The following TMC1 variants were observed in gnomAD, a reference collection of about 807,000 sequenced individuals.
TMC1 encodes the protein transmembrane channel like 1, also known as transmembrane channel-like protein 1.
A neutral mutation model predicts 105.8 loss-of-function variants in TMC1; 84 were observed. That is an observed-to-expected ratio of 0.79 (90% CI 0.67 to 0.95). The LOEUF is 0.95. Ranked by LOEUF, TMC1 falls within the 40% of genes least tolerant of loss-of-function variation. TMC1 has a pLI of 0.00. For synonymous variants in TMC1, 315 were observed against 311.5 expected (o/e 1.01, Z -0.12); for missense variants, 817 against 914.1 (o/e 0.89, Z 1.37).
At chr9:72,698,484 G>C (rs1442435922) in intron 7 of TMC1, among the ~76,000 whole-genome samples, 5 of 152,108 alleles carry the variant, frequency 3.3e-5, no homozygotes, top group Non-Finnish European at 7.4e-5. Context: ...TTATTTTTCT[G>C]AGTAATACTG....
chr9:72,827,894 C>T (rs944036020), intron 21 of TMC1, among the ~76,000 whole-genome samples: 4 of 152,166 alleles, frequency 2.6e-5, no homozygotes, highest in Non-Finnish European at 5.9e-5. Flanking sequence ...AGAAAACTCC[C>T]AGTGGTTTGC....
intron 10 of TMC1, among the ~76,000 whole-genome samples, chr9:72,746,192 G>T (rs951620565): frequency 6.6e-6 from 1 of 152,058 alleles, no homozygotes; most frequent in Admixed American, 6.6e-5. Flanking sequence ...CTTACAAAAG[G>T]TTCAGAAGTA....
chr9:72,802,870 A>C (rs1208974289), intron 17 of TMC1, among the ~76,000 whole-genome samples: 3 of 152,228 alleles, frequency 2.0e-5, no homozygotes, highest in African/African-American at 7.2e-5. Context: ...TCACAGAATT[A>C]GAAAAAAAAC....
intron 3 of TMC1, among the ~76,000 whole-genome samples, chr9:72,617,138 A>G (rs1825147589): frequency 1.3e-5 from 2 of 152,032 alleles, no homozygotes; most frequent in Non-Finnish European, 2.9e-5. Flanking sequence ...GCAGTCCTGT[A>G]TGTGGTCTCT....
chr9:72,608,212 C>T (rs1824957640), intron 2 of TMC1, among the ~76,000 whole-genome samples: 1 of 152,136 alleles, frequency 6.6e-6, no homozygotes, highest in African/African-American at 2.4e-5. Flanking sequence ...AAGCTTCACT[C>T]CCAGAAAATA....
At chr9:72,659,890 G>A (rs915230156) in intron 5 of TMC1, among the ~76,000 whole-genome samples, 8 of 152,102 alleles carry the variant, frequency 5.3e-5, no homozygotes, top group Non-Finnish European at 1.2e-4. Context: ...ATGTTAGTCG[G>A]GGTTTCTGTT....
intron 2 of TMC1, among the ~76,000 whole-genome samples, chr9:72,594,989 C>T (rs1824695798): frequency 6.6e-6 from 1 of 152,096 alleles, no homozygotes; most frequent in South Asian, 2.1e-4. Context: ...CCTCAGCCTT[C>T]CGAGTAGGTG....
intron 8 of TMC1, among the ~76,000 whole-genome samples, chr9:72,730,581 T>G (rs1827194570): frequency 6.6e-6 from 1 of 152,330 alleles, no homozygotes; most frequent in Non-Finnish European, 1.5e-5. Flanking sequence ...CCCCAACCTT[T>G]CTGATACCAG....
At chr9:72,749,851 G>C (rs60953864) in intron 10 of TMC1, among the ~76,000 whole-genome samples, 30,386 of 152,062 alleles carry the variant, frequency 0.2, 3,874 homozygotes, top group African/African-American at 0.36. Context: ...GCTCACTCCT[G>C]TAATCCCAGC....
intron 13 of TMC1, among the ~76,000 whole-genome samples, chr9:72,785,579 A>C (rs559519900): frequency 4.9e-4 from 75 of 152,350 alleles, no homozygotes; most frequent in Non-Finnish European, 8.2e-4. Flanking sequence ...ACATGAAATA[A>C]GGGTTACTTG....
In TMC1 at chr9:72,543,746, T is replaced by A. The variant is rs568344028; in HGVS notation, c.-428+21833T>A. On this transcript the variant is annotated intron_variant, in intron 1 of 23. Coordinates refer to ENST00000297784, the MANE Select transcript of TMC1 (RefSeq NM_138691.3). ...ATAAAGTTTGATCACACCACTGTCC[T>A]GCTTAATCTTTTTTTATTTTTTAAC... Among the ~76,000 whole-genome samples the A allele has an allele frequency of 1.1e-4, 17 of 152,232 alleles. No homozygotes were observed. The South Asian group carries it at 3.3e-3, about 30-fold the overall frequency.
chr9:72,542,439 G>C (rs887448860), intron 1 of TMC1, among the ~76,000 whole-genome samples: 1 of 151,874 alleles, frequency 6.6e-6, no homozygotes, highest in African/African-American at 2.4e-5. Context: ...CAGCCTGGGC[G>C]ACAGAGCAAG....
intron 2 of TMC1, among the ~76,000 whole-genome samples, chr9:72,588,034 C>T (rs2132103771): frequency 6.6e-6 from 1 of 152,204 alleles, no homozygotes; most frequent in Non-Finnish European, 1.5e-5. Flanking sequence ...AGTGACCCAT[C>T]CTCCTCAGCC....
intron 3 of TMC1, among the ~76,000 whole-genome samples, chr9:72,620,668 G>T (rs1397009498): frequency 1.3e-5 from 2 of 152,048 alleles, no homozygotes; most frequent in Non-Finnish European, 2.9e-5. Flanking sequence ...TTTATCATGG[G>T]GTGATTAATA....
intron 1 of TMC1, among the ~76,000 whole-genome samples, chr9:72,550,381 G>A (rs1005482301): frequency 6.6e-6 from 1 of 151,990 alleles, no homozygotes; most frequent in South Asian, 2.1e-4. Context: ...CAGGAGAATT[G>A]CTTCAAGGAA....
At chr9:72,558,780 C>T (rs553024765) in intron 1 of TMC1, among the ~76,000 whole-genome samples, 53 of 152,172 alleles carry the variant, frequency 3.5e-4, no homozygotes, top group African/African-American at 1.3e-3. Context: ...ATGCAGCAAC[C>T]CCTGTATCCT....
At chr9:72,607,446 C>T (rs1212523759) in intron 2 of TMC1, among the ~76,000 whole-genome samples, 1 of 151,260 alleles carries the variant, frequency 6.6e-6, no homozygotes, top group Non-Finnish European at 1.5e-5. Flanking sequence ...GGTGAAACCC[C>T]GTCTCTACTA....
chr9:72,561,191 GGCACCTGTAGTCCCA>G (rs1824042171), intron 1 of TMC1, among the ~76,000 whole-genome samples: 1 of 151,782 alleles, frequency 6.6e-6, no homozygotes, highest in South Asian at 2.1e-4. Context: ...CGTGGTGGTG[GGCACCTGTAGTCCCA>G]GCTACTCTGG....
intron 2 of TMC1, among the ~76,000 whole-genome samples, chr9:72,596,181 C>T (rs1824716808): frequency 6.6e-6 from 1 of 152,150 alleles, no homozygotes; most frequent in Non-Finnish European, 1.5e-5. Context: ...AGCCAACTCT[C>T]AACTCTAGTA....
Sources: allele counts gnomAD v4.1 joint callset (sites outside exome capture counted in the v4.1 genomes callset), GRCh38; gene constraint gnomAD v4.1.1; transcripts MANE v1.5; gene names NCBI Gene and HGNC (gene_info 2026-07-23, HGNC 2026-07-21).